The following COG7 variants were observed in gnomAD, a reference collection of about 807,000 sequenced individuals.
The protein encoded by COG7 is component of oligomeric golgi complex 7, also known as conserved oligomeric Golgi complex subunit 7.
COG7 carries 49 observed loss-of-function variants against 91.5 expected under a neutral mutation model. The observed-to-expected ratio is 0.54, with a 90% confidence interval of 0.43 to 0.68. COG7 has a LOEUF of 0.68. COG7 is among the 30% of genes least tolerant of loss of function. COG7 has a pLI of 0.00. For synonymous variants in COG7, 365 were observed against 388.7 expected (o/e 0.94, Z 0.72); for missense variants, 895 against 961.3 (o/e 0.93, Z 0.91).
At chr16:23,422,960 G>T (rs920059598) in intron 7 of COG7, among the ~76,000 whole-genome samples, 1 of 150,492 alleles carries the variant, frequency 6.6e-6, no homozygotes, top group Non-Finnish European at 1.5e-5. Flanking sequence ...CAGGAGAATT[G>T]CTTGAACCTG....
At chr16:23,391,882 G>T in intron 16 of COG7, 1 of 503,642 alleles carries the variant, frequency 2.0e-6, no homozygotes, top group Non-Finnish European at 2.7e-6. Flanking sequence ...ACCACAAAGT[G>T]ACCCTGGCCA....
intron 7 of COG7, among the ~76,000 whole-genome samples, chr16:23,420,375 G>T (rs546684500): frequency 4.6e-5 from 7 of 152,164 alleles, no homozygotes; most frequent in South Asian, 2.1e-4. Context: ...ATTAGTAAAT[G>T]TAATAGCCTA....
At chr16:23,424,088 G>A (rs985127138) in intron 7 of COG7, among the ~76,000 whole-genome samples, 1 of 152,102 alleles carries the variant, frequency 6.6e-6, no homozygotes, top group Non-Finnish European at 1.5e-5. Flanking sequence ...ATCACCTGAG[G>A]TCAGGAGTTC....
intron 14 of COG7, chr16:23,394,841 T>C (rs563504359): frequency 6.6e-6 from 1 of 152,192 alleles, no homozygotes; most frequent in East Asian, 1.9e-4. Flanking sequence ...GTTTTGCTCT[T>C]GTTGCCCAGG....
At position 23,388,663 on chromosome 16, in the gene COG7, T is replaced by C; in HGVS notation, c.*257A>G. ...TTTTTGAGACAGAGTCTCGCTCTGC[T>C]GTTAATTTTTGTATTTTTAGTAGAG... On this transcript the variant is annotated 3_prime_UTR_variant, in exon 17 of 17. Transcript: ENST00000307149. 4.1e-6 allele frequency: 1 copy of C among 244,864 alleles called. No homozygotes were observed. Among genetic ancestry groups the C allele is most frequent in the South Asian group, 6.0e-5 (1 of 16,732 alleles). 15.2% of individuals were successfully genotyped at this position (244,864 alleles called of 1,614,324 possible).
rs746171320 is a variant in COG7 at position 23,392,323 on chromosome 16, T to C, written c.2146+57A>G. The C allele has an allele frequency of 5.6e-6, 9 of 1,612,280 alleles. No homozygotes were observed. In the Middle Eastern group the frequency reaches 5.1e-4, roughly 91 times the overall value. On this transcript the variant is annotated intron_variant, in intron 16 of 16. Coordinates refer to ENST00000307149, the MANE Select transcript of COG7 (RefSeq NM_153603.4). The stretch of plus-strand genomic sequence containing the variant: ...GATTCCTGGAGGGCAAAGGAGAAAC[T>C]GACAGATGCAGCAGGCAAGAGCTGT...
rs779340924 is a variant in COG7 at position 23,442,656 on chromosome 16, C to T, written c.436-11G>A. The T allele has an allele frequency of 3.1e-6, 5 of 1,608,604 alleles. No homozygotes were observed. Among genetic ancestry groups the T allele is most frequent in the Non-Finnish European group, 3.4e-6 (4 of 1,175,104 alleles). ...AATCACAGCTATGTCCTAGAAAAGACCAGAATAGAGAATATTTATTTTAAA... is the reference window on the plus strand; with the variant it reads ...AATCACAGCTATGTCCTAGAAAAGATCAGAATAGAGAATATTTATTTTAAA... On this transcript the variant is annotated splice_polypyrimidine_tract_variant and intron_variant, in intron 3 of 16. Transcript: ENST00000307149.
At chr16:23,417,322 C>A in intron 8 of COG7, 1 of 616,950 alleles carries the variant, frequency 1.6e-6, no homozygotes, top group Non-Finnish European at 2.9e-6. Flanking sequence ...TGGAAATTCA[C>A]TCCTGGCAGA....
intron 7 of COG7, among the ~76,000 whole-genome samples, chr16:23,421,959 C>A (rs1304034741): frequency 6.6e-6 from 1 of 151,850 alleles, no homozygotes; most frequent in African/African-American, 2.4e-5. Flanking sequence ...GAGCTAGGCT[C>A]AAAAACTAAT....
intron 13 of COG7, among the ~76,000 whole-genome samples, chr16:23,399,631 G>C (rs747500116): frequency 9.9e-5 from 15 of 151,756 alleles, no homozygotes; most frequent in Non-Finnish European, 2.1e-4. Flanking sequence ...TAGAGCTCTC[G>C]GTGTCAGAGG....
In COG7 at chr16:23,403,794, C is replaced by T. The variant is rs961127814; in HGVS notation, c.1703G>A (p.Arg568Gln). The T allele has an allele frequency of 4.3e-6, 7 of 1,614,050 alleles. No homozygotes were observed. Among genetic ancestry groups the T allele is most frequent in the Admixed American group, 1.7e-5 (1 of 60,004 alleles). The change falls in exon 13 of 17, where the codon CGA (arginine) becomes CAA (glutamine). Residue 568 changes from arginine (R) to glutamine (Q), a missense_variant. Physicochemically the swap from Arg to Gln is conservative, Grantham distance 43. Transcript: ENST00000307149. ...CTGGTTAAGCCGAGTCAGCGCTGCTCGAGGTGCAGCCAGCAGGTTGTGGTT... is the reference window on the plus strand; with the variant it reads ...CTGGTTAAGCCGAGTCAGCGCTGCTTGAGGTGCAGCCAGCAGGTTGTGGTT... ...SSNHNLLAAP[R>Q]AALTRLNQQA... is the part of the protein sequence containing the mutation.
At chr16:23,427,649 C>T (rs1963869873) in intron 6 of COG7, among the ~76,000 whole-genome samples, 1 of 152,162 alleles carries the variant, frequency 6.6e-6, no homozygotes, top group Non-Finnish European at 1.5e-5. Flanking sequence ...CTGCTTCCTC[C>T]AACTTCTGTG....
At chr16:23,435,236 G>A (rs1165877507) in intron 4 of COG7, among the ~76,000 whole-genome samples, 1 of 152,012 alleles carries the variant, frequency 6.6e-6, no homozygotes, top group Non-Finnish European at 1.5e-5. Context: ...GCGTGGTGGT[G>A]CACACCTGTA....
At chr16:23,425,714 C>A (rs1963835283) in intron 6 of COG7, among the ~76,000 whole-genome samples, 1 of 152,068 alleles carries the variant, frequency 6.6e-6, no homozygotes, top group Admixed American at 6.6e-5. Context: ...GAAAAGTGAT[C>A]TAGTTTAGAG....
intron 16 of COG7, among the ~76,000 whole-genome samples, chr16:23,390,468 T>C (rs1596902092): frequency 6.6e-6 from 1 of 152,250 alleles, no homozygotes; most frequent in East Asian, 1.9e-4. Flanking sequence ...CCTCCCAAAG[T>C]GCTGGGATTA....
At chr16:23,401,685 A>G (rs1196050722) in intron 13 of COG7, among the ~76,000 whole-genome samples, 1 of 152,166 alleles carries the variant, frequency 6.6e-6, no homozygotes, top group Non-Finnish European at 1.5e-5. Context: ...GGCAACTCCA[A>G]TCTCTTCATA....
At chr16:23,403,075 G>A (rs1050745077) in intron 13 of COG7, among the ~76,000 whole-genome samples, 1 of 152,240 alleles carries the variant, frequency 6.6e-6, no homozygotes, top group Non-Finnish European at 1.5e-5. Flanking sequence ...CAAAAGGAAA[G>A]TAACAAGATC....
intron 6 of COG7, among the ~76,000 whole-genome samples, chr16:23,430,150 T>C (rs1023178034): frequency 1.3e-5 from 2 of 152,194 alleles, no homozygotes; most frequent in Admixed American, 1.3e-4. Flanking sequence ...CTGGGTGCAG[T>C]GGTTCACTCC....
chr16:23,418,772 G>A lies in COG7; in HGVS notation c.1065C>T (p.Tyr355=), dbSNP rs1567337489. The change falls in exon 8 of 17, where the codon TAC becomes TAT. Residue 355 remains tyrosine, a synonymous_variant. Transcript: ENST00000307149. The part of the protein sequence containing the change: ...TELVDAVYDP[Y]KPYQLKYGDM... ...CGCCATACTTCAGCTGGTAGGGTTT[G>A]TATGGATCATACACAGCATCCACCA... 1 of 1,613,588 alleles carries A rather than the reference G, an allele frequency of 6.2e-7. No individual in the cohort carries two copies. The highest frequency in any genetic ancestry group is 8.5e-7 in the Non-Finnish European group (1 of 1,179,498).
Sources: allele counts gnomAD v4.1 joint callset (sites outside exome capture counted in the v4.1 genomes callset), GRCh38; gene constraint gnomAD v4.1.1; transcripts MANE v1.5; gene names NCBI Gene and HGNC (gene_info 2026-07-23, HGNC 2026-07-21).